The following ITLN2 variants were observed in gnomAD, a reference collection of about 807,000 sequenced individuals.
The protein encoded by ITLN2 is intelectin 2, also known as intelectin-2.
Under a neutral mutation model 39.4 loss-of-function variants are expected in ITLN2, and 29 were observed. The ratio of observed to expected loss-of-function variants is 0.74; its 90% CI spans 0.55 to 1.00. The LOEUF is 1.00. ITLN2 is among the 50% of genes least tolerant of loss of function. The pLI, the probability that ITLN2 is intolerant of heterozygous loss-of-function variation, is 0.00. For missense variants in ITLN2, 412 were observed against 416.7 expected, an observed-to-expected ratio of 0.99 and a Z score of 0.10; for synonymous variants, 156 against 153.4, an observed-to-expected ratio of 1.02 and a Z score of -0.12.
intron 3 of ITLN2, 43 bp from the exon 4 acceptor site, chr1:160,951,333 A>G (rs1378734948): frequency 2.0e-6 from 3 of 1,534,278 alleles, no homozygotes; most frequent in African/African-American, 2.8e-5. Context: ...CTGAGAGCTC[A>G]GGGTTCATCT....
At chr1:160,951,681 T>G (rs1011278542) in intron 3 of ITLN2, among the ~76,000 whole-genome samples, 1 of 152,184 alleles carries the variant, frequency 6.6e-6, no homozygotes, top group African/African-American at 2.4e-5. Flanking sequence ...TTCCCTAAGC[T>G]CAGAGTTCCC....
chr1:160,950,950 TA>T (rs1557874452), intron 4 of ITLN2, 92 bp downstream of exon 4: 3 of 1,604,530 alleles, frequency 1.9e-6, no homozygotes, highest in Non-Finnish European at 2.6e-6. Context: ...CCCTTCCCCA[TA>T]TCCCCACCTT....
chr1:160,954,431 CAG>C lies in ITLN2; in HGVS notation c.33_34del (p.Cys12LeufsTer21), dbSNP rs1408098278. On this transcript the variant is annotated frameshift_variant, in exon 2 of 8. Transcript: ENST00000368029. LOFTEE classifies it high-confidence loss of function. ...GGCCACAGAGAAGAATAACAGGAAG[CAG>C]AGTCTGGTCATTGTCCTCTAAGGAA... is the stretch of plus-strand genomic sequence containing the variant. 1 of 1,580,926 alleles carries C rather than the reference CAG, an allele frequency of 6.3e-7. No individual in the cohort carries two copies. The highest frequency in any genetic ancestry group is 8.6e-7 in the Non-Finnish European group (1 of 1,161,938).
At chr1:160,948,684 T>C (rs1370241537) in intron 6 of ITLN2, 1 of 149,764 alleles carries the variant, frequency 6.7e-6, no homozygotes, top group Admixed American at 6.8e-5. Flanking sequence ...TGGAGTGCAG[T>C]GGTGTGAACT....
Position 160,951,975 on chromosome 1 carries a change from A to G in ITLN2, c.193+645T>C, listed in dbSNP as rs571084322. On this transcript the variant is annotated intron_variant, in intron 3 of 7. Coordinates refer to ENST00000368029, the MANE Select transcript of ITLN2 (RefSeq NM_080878.3). ...GAGGCTTTTTGCCTCACTCACCCCCACCCCGTAGGGTACACAGGCTATGAA... is the reference window on the plus strand; with the variant it reads ...GAGGCTTTTTGCCTCACTCACCCCCGCCCCGTAGGGTACACAGGCTATGAA... 2.6e-5 allele frequency among the ~76,000 whole-genome samples: 4 copies of G among 152,052 alleles called. No individual in the cohort carries two copies. In the East Asian group the frequency reaches 7.8e-4, roughly 29 times the overall value.
chr1:160,950,992 G>A (rs1413825119), intron 4 of ITLN2, 51 bp downstream of exon 4: 1 of 1,614,038 alleles, frequency 6.2e-7, no homozygotes, highest in Non-Finnish European at 8.5e-7. Context: ...CTGGTGGCCA[G>A]CCACACTCCA....
chr1:160,945,275 T>G lies in ITLN2; in HGVS notation c.843A>C (p.Gly281=), dbSNP rs752842423. Residue 281 remains glycine, a synonymous_variant, in exon 8 of 8, where the codon GGA becomes GGC. Coordinates refer to ENST00000368029, the MANE Select transcript of ITLN2 (RefSeq NM_080878.3). ...CNTEHHCIGG[G]GFFPQGKPRQ... The stretch of plus-strand genomic sequence containing the variant: ...GGGGTTTGCCCTGTGGGAAGAACCC[T>G]CCTCCACCGATGCAGTGCTGGGAAA... The G allele has an allele frequency of 6.4e-7, 1 of 1,573,656 alleles. No individual in the cohort carries two copies. The highest frequency in any genetic ancestry group is 8.6e-7 in the Non-Finnish European group (1 of 1,168,926).
rs147696398 is a variant in ITLN2, at chr1:160,953,145, C to T, written c.80-412G>A. Among the ~76,000 whole-genome samples the T allele has an allele frequency of 5.9e-5, 9 of 152,152 alleles. No individual in the cohort carries two copies. The East Asian group carries it at 1.5e-3, about 26-fold the overall frequency. ...ATTTTGATGGGAGAATGGGAGCTGGCTACAGGACAGGAAGGAAAGGGGAGA... is the reference window on the plus strand; with the variant it reads ...ATTTTGATGGGAGAATGGGAGCTGGTTACAGGACAGGAAGGAAAGGGGAGA... On this transcript the variant is annotated intron_variant, in intron 2 of 7. Transcript: ENST00000368029.
intron 6 of ITLN2, chr1:160,949,838 G>C (rs12059277): frequency 0.011 from 6,024 of 531,794 alleles, 295 homozygotes; most frequent in African/African-American, 0.1. Context: ...GGGATTACGT[G>C]CTGTGAAATG....
chr1:160,954,507 C>T (rs376174706), intron 1 of ITLN2, 57 bp from the exon 2 acceptor site: 13 of 1,413,858 alleles, frequency 9.2e-6, no homozygotes, highest in Non-Finnish European at 1.3e-5. Context: ...GTCATCCTCT[C>T]GTTCTTACTT....
chr1:160,949,797 A>G (rs1183114464), intron 6 of ITLN2: 13 of 424,670 alleles, frequency 3.1e-5, no homozygotes, highest in Non-Finnish European at 5.6e-5. Flanking sequence ...CCACAATTAT[A>G]AGAGTATACA....
At chr1:160,947,905 C>T (rs747007755) in intron 7 of ITLN2, 24 bp downstream of exon 7, 95 of 1,482,016 alleles carry the variant, frequency 6.4e-5, no homozygotes, top group Non-Finnish European at 8.4e-5. Flanking sequence ...CACACGTGGG[C>T]CATTGATCTC....
chr1:160,945,167 C>T lies in ITLN2; in HGVS notation c.951G>A (p.Glu317=). ...ATCTATAGAACAAGAGTACAGCCGC[C>T]TCCGTTATCTCCCGACTGCAGCTGC... ...VKSSCSREIT[E]AAVLLFYR Residue 317 remains glutamate (E), a synonymous_variant, in exon 8 of 8, where the codon GAG becomes GAA. Transcript: ENST00000368029. 6.2e-7 allele frequency: 1 copy of T among 1,604,186 alleles called. No homozygotes were observed. The highest frequency in any genetic ancestry group is 8.5e-7 in the Non-Finnish European group (1 of 1,177,434).
chr1:160,950,946 C>T lies in ITLN2; in HGVS notation c.441+97G>A, dbSNP rs1047646040. 5.9e-5 allele frequency: 94 copies of T among 1,601,284 alleles called. No homozygotes were observed. In the Admixed American group the frequency reaches 1.5e-3, roughly 26 times the overall value. On this transcript the variant is annotated intron_variant, in intron 4 of 7. Transcript: ENST00000368029. ...TTTCTCTCTTCTTCTCCAGCCCTTC[C>T]CCATATCCCCACCTTCCAGCCCTCC...
In ITLN2 at chr1:160,953,548, A is replaced by G. The variant is rs182899149; in HGVS notation, c.80-815T>C. On this transcript the variant is annotated intron_variant, in intron 2 of 7. Transcript: ENST00000368029. ...AATATGGTGAAACCCCATCTCTACT[A>G]AAAATACAAAAATTAGCTGGGGTGT... Among the ~76,000 whole-genome samples, 212 of 152,194 alleles carry G rather than the reference A, an allele frequency of 1.4e-3. 1 individual carries two copies. The Middle Eastern group carries it at 0.02, about 15-fold the overall frequency.
At chr1:160,950,949 A>G (rs1570974182) in intron 4 of ITLN2, 94 bp downstream of exon 4, 4 of 1,604,216 alleles carry the variant, frequency 2.5e-6, no homozygotes, top group East Asian at 4.5e-5. Context: ...GCCCTTCCCC[A>G]TATCCCCACC....
At chr1:160,946,670 G>A (rs1207621549) in intron 7 of ITLN2, among the ~76,000 whole-genome samples, 2 of 150,182 alleles carry the variant, frequency 1.3e-5, no homozygotes, top group South Asian at 2.1e-4. Flanking sequence ...CTGAGATCGC[G>A]CCACTGCACT....
At position 160,951,290 on chromosome 1, in the gene ITLN2, T is replaced by C. The variant is rs557606468; in HGVS notation, c.194A>G (p.Asp65Gly). 6 of 1,573,478 alleles carry C rather than the reference T, an allele frequency of 3.8e-6. No individual in the cohort carries two copies. The highest frequency in any genetic ancestry group is 2.2e-5 in the East Asian group (1 of 44,540). The change falls in exon 4 of 8, where the codon GAT becomes GGT. Residue 65 changes from aspartate to glycine, a missense_variant and splice_region_variant. Physicochemically the swap from Asp to Gly is moderately conservative, Grantham distance 94. Transcript: ENST00000368029. ...CTTGGTGCGGAGAAAATACAGGCCATCTGTAGAGAGAACCAGCCCAGAGCC... is the reference window on the plus strand; with the variant it reads ...CTTGGTGCGGAGAAAATACAGGCCACCTGTAGAGAGAACCAGCCCAGAGCC... ...EIKERCHSAG[D>G]GLYFLRTKNG...
At chr1:160,950,779 C>T (rs1323963781) in intron 4 of ITLN2, 68 bp from the exon 5 acceptor site, 9 of 1,563,132 alleles carry the variant, frequency 5.8e-6, no homozygotes, top group Non-Finnish European at 1.7e-6. Context: ...TCCACATGTG[C>T]AGCCTCAGCT....
Sources: allele counts gnomAD v4.1 joint callset (sites outside exome capture counted in the v4.1 genomes callset), GRCh38; gene constraint gnomAD v4.1.1; transcripts MANE v1.5; gene names NCBI Gene and HGNC (gene_info 2026-07-23, HGNC 2026-07-21).